RNH1: variants seen among roughly 807,000 people sequenced by gnomAD.
RNH1 encodes the protein ribonuclease inhibitor.
Under a neutral mutation model 46.1 loss-of-function variants are expected in RNH1, and 38 were observed. The observed-to-expected ratio is 0.82, with a 90% confidence interval of 0.64 to 1.08. The LOEUF (loss-of-function observed/expected upper bound fraction) is 1.08, where lower values mean the gene tolerates loss of function less well. RNH1 is among the 50% of genes least tolerant of loss of function. The pLI is 0.00. For synonymous variants in RNH1, 319 were observed against 279.1 expected (o/e 1.14, Z -1.43); for missense variants, 577 against 590.7 (o/e 0.98, Z 0.24).
chr11:498,954 T>G (rs1174167289), intron 6 of RNH1, 21 bp from the exon 7 acceptor site: 1 of 1,611,568 alleles, frequency 6.2e-7, no homozygotes, highest in African/African-American at 1.3e-5. Flanking sequence ...GGGTCACACG[T>G]GAGGCAGCAC....
Position 499,498 on chromosome 11 carries a change from C to T in RNH1, c.444-313G>A, listed in dbSNP as rs113002672. 1.2e-3 allele frequency: 807 copies of T among 694,696 alleles called. 6 individuals carry two copies. In the African/African-American group the frequency reaches 0.012, roughly 10 times the overall value. 43.0% of individuals were successfully genotyped at this position (694,696 alleles called of 1,614,324 possible). ...CAGGCTGTGGTCAACTCACAATGGC[C>T]GGGTCCCCCACACACACTGAGGCGG... On this transcript the variant is annotated intron_variant, in intron 5 of 10. Coordinates refer to ENST00000354420, the MANE Select transcript of RNH1 (RefSeq NM_203387.3).
chr11:501,190 T>C lies in RNH1; in HGVS notation c.102-536A>G, dbSNP rs1041227952. ...AGTCACAGGAGGAAAGGCAGTGGCG[T>C]CACAGTGGAGAGGGTGGCAGACGGC... is the stretch of plus-strand genomic sequence containing the variant. On this transcript the variant is annotated intron_variant, in intron 3 of 10. Transcript: ENST00000354420. The surrounding 1 kb of genome is among the most constrained non-coding windows in gnomAD (Gnocchi z 4.1). The C allele has an allele frequency of 4.4e-6, 1 of 229,142 alleles. No homozygotes were observed. The highest frequency in any genetic ancestry group is 2.3e-5 in the African/African-American group (1 of 43,720). 14.2% of individuals were successfully genotyped at this position (229,142 alleles called of 1,614,324 possible).
chr11:497,355 A>ACTCGTG (rs1262006495), intron 9 of RNH1, among the ~76,000 whole-genome samples: 5 of 128,796 alleles, frequency 3.9e-5, no homozygotes, highest in Admixed American at 8.0e-5. Context: ...ACACACGGAC[A>ACTCGTG]CTCATGCTCA....
At chr11:495,188 C>T (rs1848948365) in intron 9 of RNH1, 135 bp from the exon 10 acceptor site, 3 of 866,460 alleles carry the variant, frequency 3.5e-6, no homozygotes, top group South Asian at 3.2e-5. Flanking sequence ...GGGCCGTCCC[C>T]AAGGCTCACC....
In RNH1 at chr11:498,653, T is replaced by C. The variant is rs775651783; in HGVS notation, c.786-26A>G. ...CTGCAGGACATGGACCACCACAGAC[T>C]TTCCTCAGCACCGTCTCATGGCCTG... On this transcript the variant is annotated intron_variant, in intron 7 of 10. Coordinates refer to ENST00000354420, the MANE Select transcript of RNH1 (RefSeq NM_203387.3). The C allele has an allele frequency of 7.5e-6, 12 of 1,609,876 alleles. No homozygotes were observed. In the African/African-American group the frequency reaches 1.6e-4, roughly 21 times the overall value.
rs1160341467 is a variant in RNH1 at position 502,398 on chromosome 11, G to A, written c.-87-149C>T. 4 of 574,252 alleles carry A rather than the reference G, an allele frequency of 7.0e-6. No homozygotes were observed. Among genetic ancestry groups the A allele is most frequent in the Non-Finnish European group, 1.3e-5 (4 of 319,964 alleles). 35.6% of individuals were successfully genotyped at this position (574,252 alleles called of 1,614,324 possible). ...GGGCAGGGACCAGCACCCACCCCCAGAAAGGCCACCATGGGCAGCAGAGCT... is the reference window on the plus strand; with the variant it reads ...GGGCAGGGACCAGCACCCACCCCCAAAAAGGCCACCATGGGCAGCAGAGCT... On this transcript the variant is annotated intron_variant, in intron 2 of 10. Coordinates refer to ENST00000354420, the MANE Select transcript of RNH1 (RefSeq NM_203387.3). The surrounding 1 kb of genome is among the most constrained non-coding windows in gnomAD (Gnocchi z 5.8).
chr11:496,858 T>C (rs1377104570), intron 9 of RNH1, among the ~76,000 whole-genome samples: 1 of 152,266 alleles, frequency 6.6e-6, no homozygotes, highest in Non-Finnish European at 1.5e-5. Context: ...CAGGCGGGGT[T>C]CCCGCAAGGG....
At chr11:495,392 A>C (rs1848965821) in intron 9 of RNH1, among the ~76,000 whole-genome samples, 1 of 152,198 alleles carries the variant, frequency 6.6e-6, no homozygotes, top group Non-Finnish European at 1.5e-5. Flanking sequence ...TCAAAGGAGA[A>C]GCCAGCCAGA....
chr11:502,280 CAGG>C lies in RNH1; in HGVS notation c.-87-34_-87-32del, dbSNP rs1408917938. 1.3e-6 allele frequency: 1 copy of C among 773,002 alleles called. No homozygotes were observed. The highest frequency in any genetic ancestry group is 1.7e-5 in the African/African-American group (1 of 58,414). The allele number at this position is 773,002 out of a possible 1,614,324, so 47.9% of individuals were successfully genotyped here. A position where few individuals can be genotyped will look rare whatever the true frequency, so the allele number is the denominator to read the frequency against. ...AACAGGACCCACAGGGCTGATGTTT[CAGG>C]AGGAGCCGCAGCCTCTCCCTGGGCA... is the stretch of plus-strand genomic sequence containing the variant. On this transcript the variant is annotated intron_variant, in intron 2 of 10. Transcript: ENST00000354420. This position sits in a 1 kb window ranked among gnomAD's most constrained non-coding sequence, Gnocchi z 5.8.
chr11:500,093 G>T, intron 4 of RNH1, 94 bp from the exon 5 acceptor site: 1 of 1,388,618 alleles, frequency 7.2e-7, no homozygotes, highest in Non-Finnish European at 9.5e-7. Flanking sequence ...GCACTCTTCA[G>T]GCGGCAGGTC....
At position 498,933 on chromosome 11, in the gene RNH1, CCTGG is replaced by C; in HGVS notation, c.615-4_615-1del. ...CTGATGTCACACCGCAGCTCTCCAG[CCTGG>C]GGACACGGGTCACACGTGAGGCAGC... On this transcript the variant is annotated splice_acceptor_variant and splice_polypyrimidine_tract_variant and intron_variant, in intron 6 of 10. Coordinates refer to ENST00000354420, the MANE Select transcript of RNH1 (RefSeq NM_203387.3). LOFTEE classifies it high-confidence loss of function. 1 of 1,612,326 alleles carries C rather than the reference CCTGG, an allele frequency of 6.2e-7. No homozygotes were observed.
chr11:506,802 C>G (rs1487867338), intron 1 of RNH1: 2 of 152,312 alleles, frequency 1.3e-5, no homozygotes, highest in Admixed American at 6.5e-5. Flanking sequence ...CACGTGAGGA[C>G]GAACCACGCA....
intron 2 of RNH1, 112 bp downstream of exon 2, chr11:504,712 G>C (rs1041121420): frequency 6.6e-6 from 1 of 152,380 alleles, no homozygotes; most frequent in Non-Finnish European, 1.5e-5. Flanking sequence ...CCTTCCCCCA[G>C]ACCATCCCTC....
At chr11:497,672 CGTGCTCACCCATGTGCTCACACACGG>C (rs71022918) in intron 9 of RNH1, among the ~76,000 whole-genome samples, 9,078 of 148,558 alleles carry the variant, frequency 0.061, 379 homozygotes, top group Non-Finnish European at 0.091. Flanking sequence ...CTCACACACA[CGTGCTCACCCATGTGCTCACACACGG>C]ACACTCGTGC....
chr11:501,127 A>G lies in RNH1; in HGVS notation c.102-473T>C. ...ACAGAGCAATGCCCTGTCTCTAAAAATAAAAAGAATTTAAAGTATCTCTCG... is the reference window on the plus strand; with the variant it reads ...ACAGAGCAATGCCCTGTCTCTAAAAGTAAAAAGAATTTAAAGTATCTCTCG... On this transcript the variant is annotated intron_variant, in intron 3 of 10. Coordinates refer to ENST00000354420, the MANE Select transcript of RNH1 (RefSeq NM_203387.3). This position sits in a 1 kb window ranked among gnomAD's most constrained non-coding sequence, Gnocchi z 4.1. 6.8e-6 allele frequency: 2 copies of G among 296,234 alleles called. No individual in the cohort carries two copies. The highest frequency in any genetic ancestry group is 1.3e-5 in the Non-Finnish European group (2 of 151,128). 18.4% of individuals were successfully genotyped at this position (296,234 alleles called of 1,614,324 possible). A position where few individuals can be genotyped will look rare whatever the true frequency, so the allele number is the denominator to read the frequency against.
chr11:499,292 C>T (rs1849498586), intron 5 of RNH1, 107 bp from the exon 6 acceptor site: 2 of 1,270,262 alleles, frequency 1.6e-6, no homozygotes, highest in South Asian at 1.3e-5. Context: ...CAGTCTTCTG[C>T]CTGGGCATCA....
intron 7 of RNH1, 67 bp from the exon 8 acceptor site, chr11:498,694 CG>C: frequency 1.3e-6 from 2 of 1,597,082 alleles, no homozygotes; most frequent in Non-Finnish European, 8.5e-7. Flanking sequence ...AGCCCAGGGG[CG>C]GGGGAGAGCT....
In RNH1 at chr11:498,880, A is replaced by G; in HGVS notation, c.668T>C (p.Val223Ala). 1.2e-6 allele frequency: 2 copies of G among 1,612,492 alleles called. No individual in the cohort carries two copies. Among genetic ancestry groups the G allele is most frequent in the Non-Finnish European group, 1.7e-6 (2 of 1,179,834 alleles). The change falls in exon 7 of 11, where the codon GTG (valine) becomes GCG (alanine). Residue 223 changes from valine to alanine, a missense_variant. Transcript: ENST00000354420. ...CTCCCGCAGCGAGGCCTTGGAGGCC[A>G]CAATGCCGCACAGGTCCCGGCAGTT... ...SDNCRDLCGI[V>A]ASKASLRELA...
intron 9 of RNH1, among the ~76,000 whole-genome samples, chr11:497,238 C>CACGG (rs976270278): frequency 1.3e-5 from 2 of 150,206 alleles, no homozygotes; most frequent in African/African-American, 2.5e-5. Flanking sequence ...TGTGCTCACA[C>CACGG]ACGGACACTC....
Sources: gnomAD v4.1 joint callset for allele counts (sites outside exome capture counted in the v4.1 genomes callset) on GRCh38, gnomAD v4.1.1 for gene constraint, Gnocchi (gnomAD v3.1) non-coding constraint, MANE v1.5 for transcripts, NCBI Gene and HGNC (gene_info 2026-07-23, HGNC 2026-07-21) for gene names.